The following ZNF335 variants were observed in gnomAD, a reference collection of about 807,000 sequenced individuals.
ZNF335 encodes the protein zinc finger protein 335.
ZNF335 carries 84 observed loss-of-function variants against 145.6 expected under a neutral mutation model. The ratio of observed to expected loss-of-function variants is 0.58; its 90% confidence interval spans 0.48 to 0.69. ZNF335 has a LOEUF of 0.69. ZNF335 is among the 30% of genes least tolerant of loss of function. ZNF335 has a pLI of 0.00. For missense variants in ZNF335, 1,865 were observed against 1,809.7 expected, an observed-to-expected ratio of 1.03 and a Z score of -0.55; for synonymous variants, 761 against 717.0, an observed-to-expected ratio of 1.06 and a Z score of -0.98.
intron 9 of ZNF335, among the ~76,000 whole-genome samples, chr20:45,962,739 C>G (rs2083867794): frequency 6.6e-6 from 1 of 151,150 alleles, no homozygotes; most frequent in South Asian, 2.1e-4. Context: ...CCAGTTACTG[C>G]ATAAAAGGCT....
intron 18 of ZNF335, among the ~76,000 whole-genome samples, chr20:45,953,092 C>G (rs887894136): frequency 6.6e-6 from 1 of 152,222 alleles, no homozygotes; most frequent in Non-Finnish European, 1.5e-5. Context: ...CTGAGACTGG[C>G]CGCCCAGGTG....
rs759552582 is a variant in ZNF335 at position 45,957,574 on chromosome 20, C to T, written c.2442+12G>A. On this transcript the variant is annotated intron_variant, in intron 17 of 27. Transcript: ENST00000322927. ...GTAGCTGGGAAGGGGAGCAGGTTCC[C>T]AGGCAGCTCACCTGCAGGGCTGTGC... 6.2e-7 allele frequency: 1 copy of T among 1,613,564 alleles called. No homozygotes were observed.
In ZNF335 at chr20:45,971,466, AAG is replaced by A; in HGVS notation, c.-50-8_-50-7del. On this transcript the variant is annotated splice_region_variant and splice_polypyrimidine_tract_variant and intron_variant, in intron 1 of 27. Transcript: ENST00000322927. ...TAGGGTCTGGGAACTTCACTCTGAG[AAG>A]AGAGGTGACCGTGGCTGGAACAAGT... The A allele has an allele frequency of 6.3e-7, 1 of 1,584,452 alleles. No individual in the cohort carries two copies. Among genetic ancestry groups the A allele is most frequent in the Non-Finnish European group, 8.5e-7 (1 of 1,172,384 alleles).
At chr20:45,970,541 G>A (rs2084039787) in intron 2 of ZNF335, among the ~76,000 whole-genome samples, 1 of 152,202 alleles carries the variant, frequency 6.6e-6, no homozygotes, top group African/African-American at 2.4e-5. Flanking sequence ...AGAGCTAGAT[G>A]TTGGGTAGCT....
intron 20 of ZNF335, among the ~76,000 whole-genome samples, chr20:45,951,152 A>G (rs1041051078): frequency 6.6e-6 from 1 of 152,230 alleles, no homozygotes; most frequent in African/African-American, 2.4e-5. Context: ...TCGGCCTCCC[A>G]AAGTGCTGGG....
Position 45,962,254 on chromosome 20 carries a change from T to C in ZNF335, c.1534-72A>G, listed in dbSNP as rs530937247. On this transcript the variant is annotated intron_variant, in intron 9 of 27. Transcript: ENST00000322927. ...CCCATCCCCGTCCCCACCATGCCTG[T>C]GGCCACAGTCTTAGGGTTGCTGCGG... The C allele has an allele frequency of 1.7e-5, 21 of 1,229,462 alleles. No individual in the cohort carries two copies. In the African/African-American group the frequency reaches 2.7e-4, roughly 16 times the overall value. The allele number at this position is 1,229,462 out of a possible 1,614,324, so 76.2% of individuals were successfully genotyped here. A position where few individuals can be genotyped will look rare whatever the true frequency, so the allele number is the denominator to read the frequency against.
At chr20:45,970,567 G>A (rs893187041) in intron 2 of ZNF335, among the ~76,000 whole-genome samples, 1 of 152,152 alleles carries the variant, frequency 6.6e-6, no homozygotes, top group Admixed American at 6.6e-5. Context: ...AAGATCACAC[G>A]GCTAGGAAGT....
chr20:45,949,638 A>C, intron 24 of ZNF335, 70 bp from the exon 25 acceptor site: 4 of 1,506,128 alleles, frequency 2.7e-6, no homozygotes, highest in East Asian at 4.6e-5. Flanking sequence ...TTAGCTAAGA[A>C]GGCAGAGTGG....
rs956451031 is a variant in ZNF335 at position 45,950,578 on chromosome 20, G to C, written c.3207C>G (p.His1069Gln). 3 of 1,613,896 alleles carry C rather than the reference G, an allele frequency of 1.9e-6. No individual in the cohort carries two copies. The highest frequency in any genetic ancestry group is 2.5e-6 in the Non-Finnish European group (3 of 1,180,028). Reference sequence around the variant, plus strand: ...TACACTGGTGGGGCCGTAGGCTTGAGTGCTGTGCCATGTGCGCCTGCAGAG... The same window carrying C: ...TACACTGGTGGGGCCGTAGGCTTGACTGCTGTGCCATGTGCGCCTGCAGAG... Reference protein sequence around the residue: ...WPEVRAHMAQHSSLRPHQCSQ... With the variant: ...WPEVRAHMAQQSSLRPHQCSQ... The change falls in exon 21 of 28, where the codon CAC becomes CAG. Residue 1069 changes from histidine to glutamine, a missense_variant. His to Gln is a conservative substitution (Grantham distance 24, BLOSUM62 0). Coordinates refer to ENST00000322927, the MANE Select transcript of ZNF335 (RefSeq NM_022095.4).
chr20:45,950,629 G>C (rs2083614035), intron 20 of ZNF335, 34 bp from the exon 21 acceptor site: 1 of 1,608,466 alleles, frequency 6.2e-7, no homozygotes, highest in Non-Finnish European at 8.5e-7. Context: ...GCATTGGCTG[G>C]GTCAGGACAG....
intron 17 of ZNF335, among the ~76,000 whole-genome samples, chr20:45,956,806 C>T (rs2083737125): frequency 1.3e-5 from 2 of 151,800 alleles, no homozygotes; most frequent in African/African-American, 4.8e-5. Flanking sequence ...AAAATAAAAC[C>T]CTAAGAAAAA....
At position 45,952,218 on chromosome 20, in the gene ZNF335, C is replaced by A; in HGVS notation, c.3118G>T (p.Ala1040Ser). ...GRAEMESHKRAHAGPGAFKCP... is the reference protein window; with the variant it reads ...GRAEMESHKRSHAGPGAFKCP... ...TTGAAGGCACCAGGCCCAGCGTGGG[C>A]CCGCTTGTGACTCTCCATCTCAGCT... The change falls in exon 20 of 28, where the codon GCC becomes TCC. Residue 1040 changes from alanine (A) to serine (S), a missense_variant. Coordinates refer to ENST00000322927, the MANE Select transcript of ZNF335 (RefSeq NM_022095.4). 6.2e-7 allele frequency: 1 copy of A among 1,613,002 alleles called. No homozygotes were observed. The highest frequency in any genetic ancestry group is 8.5e-7 in the Non-Finnish European group (1 of 1,179,946).
At position 45,950,311 on chromosome 20, in the gene ZNF335, T is replaced by TG. The variant is rs779294471; in HGVS notation, c.3394_3395insC (p.Lys1132ThrfsTer23). Reference sequence around the variant, plus strand: ...GGCCCGGGCTGTAGGGGTTCCTGACTTCCTCCCATCAGGACTGTGCAGCCG... The same window carrying TG: ...GGCCCGGGCTGTAGGGGTTCCTGACTGTCCTCCCATCAGGACTGTGCAGCCG... On this transcript the variant is annotated frameshift_variant, in exon 22 of 28. Coordinates refer to ENST00000322927, the MANE Select transcript of ZNF335 (RefSeq NM_022095.4). LOFTEE classifies it high-confidence loss of function. 304 of 1,567,828 alleles carry TG rather than the reference T, an allele frequency of 1.9e-4. 2 individuals are homozygous for TG. Among genetic ancestry groups the TG allele is most frequent in the Admixed American group, 5.2e-4 (29 of 55,792 alleles).
chr20:45,968,971 G>C (rs1222294892), intron 3 of ZNF335: 1 of 155,748 alleles, frequency 6.4e-6, no homozygotes, highest in East Asian at 1.9e-4. Flanking sequence ...TGAGGTTACA[G>C]TGCACTATGA....
At position 45,949,229 on chromosome 20, in the gene ZNF335, G is replaced by A. The variant is rs140528177; in HGVS notation, c.3842C>T (p.Pro1281Leu). 1.6e-4 allele frequency: 254 copies of A among 1,613,848 alleles called. 2 individuals are homozygous for A. The Admixed American group carries it at 3.9e-3, about 25-fold the overall frequency. ...ESQIQYVPVS[P>L]GQQLVTQAQL... Reference sequence around the variant, plus strand: ...AGCCTGTGTGACAAGCTGCTGGCCTGGGGACACAGGCACATACTGGATCTG... The same window carrying A: ...AGCCTGTGTGACAAGCTGCTGGCCTAGGGACACAGGCACATACTGGATCTG... The change falls in exon 27 of 28, where the codon CCA becomes CTA. Residue 1281 changes from proline (P) to leucine (L), a missense_variant. Physicochemically the swap from Pro to Leu is moderately conservative, Grantham distance 98. Coordinates refer to ENST00000322927, the MANE Select transcript of ZNF335 (RefSeq NM_022095.4).
intron 9 of ZNF335, 122 bp downstream of exon 9, chr20:45,963,351 A>G (rs1354413133): frequency 5.2e-6 from 6 of 1,154,050 alleles, no homozygotes; most frequent in Non-Finnish European, 7.2e-6. Context: ...CGCGTTCTGA[A>G]GAGCAGCAGG....
intron 17 of ZNF335, among the ~76,000 whole-genome samples, chr20:45,956,639 A>C (rs2083733866): frequency 6.6e-6 from 1 of 152,086 alleles, no homozygotes; most frequent in South Asian, 2.1e-4. Context: ...GTCTAGAAAC[A>C]GACTCCTACA....
chr20:45,964,307 A>G (rs1357832090), intron 7 of ZNF335: 1 of 284,078 alleles, frequency 3.5e-6, no homozygotes, highest in East Asian at 6.1e-5. Context: ...AGACAAAGCC[A>G]TTCCTCTCCC....
intron 15 of ZNF335, 31 bp downstream of exon 15, chr20:45,959,170 T>G: frequency 7.5e-7 from 1 of 1,330,584 alleles, no homozygotes; most frequent in Non-Finnish European, 9.7e-7. Context: ...GCGGCCTCAC[T>G]CTGTCATCCT....
Sources: gnomAD v4.1 joint callset for allele counts (sites outside exome capture counted in the v4.1 genomes callset) on GRCh38, gnomAD v4.1.1 for gene constraint, MANE v1.5 for transcripts, NCBI Gene and HGNC (gene_info 2026-07-23, HGNC 2026-07-21) for gene names.